Variants in FIGN observed in about 807,000 individuals in gnomAD.
The protein encoded by FIGN is fidgetin, microtubule severing factor.
In FIGN, 11 loss-of-function variants were observed where a neutral mutation model predicts 51.3. The observed-to-expected ratio is 0.21, with a 90% CI of 0.13 to 0.35. The LOEUF is 0.35. Among genes scored for constraint, FIGN ranks in the 10% least tolerant of loss-of-function variants. The pLI is 1.00. For synonymous variants in FIGN, 407 were observed against 363.2 expected, an observed-to-expected ratio of 1.12 and a Z score of -1.37; for missense variants, 857 against 943.6, an observed-to-expected ratio of 0.91 and a Z score of 1.20.
In FIGN at chr2:163,608,177, G is replaced by C. The variant is rs1365407243; in HGVS notation, c.*1375C>G. On this transcript the variant is annotated 3_prime_UTR_variant, in exon 3 of 3. Transcript: ENST00000333129. ...AATAAAGCAGGAGCACTACAGCCCA[G>C]ATTTCAAAATGAGAAGCAAAATTGC... 1 of 152,610 alleles carries C rather than the reference G, an allele frequency of 6.6e-6. No homozygotes were observed. Among genetic ancestry groups the C allele is most frequent in the Non-Finnish European group, 1.5e-5 (1 of 68,044 alleles). The allele number at this position is 152,610 out of a possible 1,614,324, so 9.5% of individuals were successfully genotyped here. A position where few individuals can be genotyped will look rare whatever the true frequency, so the allele number is the denominator to read the frequency against.
chr2:163,679,217 G>A (rs1684018988), intron 2 of FIGN, among the ~76,000 whole-genome samples: 1 of 151,950 alleles, frequency 6.6e-6, no homozygotes, highest in Non-Finnish European at 1.5e-5. Flanking sequence ...TTTGAGGCTG[G>A]GCGTGGCGAC....
chr2:163,694,100 T>C (rs1260979219), intron 2 of FIGN, among the ~76,000 whole-genome samples: 1 of 152,272 alleles, frequency 6.6e-6, no homozygotes, highest in East Asian at 1.9e-4. Context: ...TCTATCAATA[T>C]TCTGTAGGTC....
At chr2:163,619,787 T>C (rs1265348759) in intron 2 of FIGN, among the ~76,000 whole-genome samples, 2 of 152,160 alleles carry the variant, frequency 1.3e-5, no homozygotes, top group African/African-American at 4.8e-5. Context: ...ATCATGATCA[T>C]AATTCAAACA....
chr2:163,631,966 G>A (rs547524070), intron 2 of FIGN, among the ~76,000 whole-genome samples: 3 of 152,206 alleles, frequency 2.0e-5, no homozygotes, highest in South Asian at 2.1e-4. Context: ...TGATCAACAC[G>A]GTGAAACCGC....
intron 2 of FIGN, among the ~76,000 whole-genome samples, chr2:163,709,529 T>G (rs1295393401): frequency 1.3e-5 from 2 of 152,068 alleles, no homozygotes; most frequent in Non-Finnish European, 2.9e-5. Context: ...ACCAAAGGTT[T>G]GGAAATATCT....
In FIGN at chr2:163,617,350, G is replaced by A. The variant is rs191242401; in HGVS notation, c.26-5544C>T. ...ATTTAGTCAATAAAAGATGAACTAT[G>A]TACAAAGCATTGTGGTTCAATGCTA... On this transcript the variant is annotated intron_variant, in intron 2 of 2. Coordinates refer to ENST00000333129, the MANE Select transcript of FIGN (RefSeq NM_018086.4). The A allele has an allele frequency of 2.4e-5, 11 of 457,470 alleles. No homozygotes were observed. In the East Asian group the frequency reaches 1.1e-3, roughly 44 times the overall value. 28.3% of individuals were successfully genotyped at this position (457,470 alleles called of 1,614,324 possible).
chr2:163,689,818 C>T (rs1190581441), intron 2 of FIGN, among the ~76,000 whole-genome samples: 1 of 152,014 alleles, frequency 6.6e-6, no homozygotes, highest in Non-Finnish European at 1.5e-5. Flanking sequence ...AGCCCAAGGT[C>T]CCCATGGGAG....
In FIGN at chr2:163,611,757, G is replaced by A; in HGVS notation, c.75C>T (p.His25=). ...TPEHAQWPEQ[H]FDITSTTRSP... Reference sequence around the variant, plus strand: ...ACCGAGTGGTTGAGGTGATGTCAAAGTGCTGTTCTGGCCACTGGGCATGCT... The same window carrying A: ...ACCGAGTGGTTGAGGTGATGTCAAAATGCTGTTCTGGCCACTGGGCATGCT... Residue 25 remains histidine (H), a synonymous_variant, in exon 3 of 3, where the codon CAC becomes CAT. Transcript: ENST00000333129. 6.2e-7 allele frequency: 1 copy of A among 1,613,848 alleles called. No individual in the cohort carries two copies. Among genetic ancestry groups the A allele is most frequent in the Non-Finnish European group, 8.5e-7 (1 of 1,179,760 alleles).
intron 2 of FIGN, among the ~76,000 whole-genome samples, chr2:163,699,174 T>C (rs948041396): frequency 1.3e-5 from 2 of 152,174 alleles, no homozygotes; most frequent in African/African-American, 4.8e-5. Context: ...CTTTGTGAGC[T>C]TAAATTTCAC....
At position 163,603,218 on chromosome 2, in the gene FIGN, T is replaced by C. The variant is rs1391834682; in HGVS notation, c.*6334A>G. On this transcript the variant is annotated 3_prime_UTR_variant, in exon 3 of 3. Coordinates refer to ENST00000333129, the MANE Select transcript of FIGN (RefSeq NM_018086.4). Reference sequence around the variant, plus strand: ...TAATAACACATTTAGTTTCAGCAGATGTAAAATAATGCACACAAAAAAATG... The same window carrying C: ...TAATAACACATTTAGTTTCAGCAGACGTAAAATAATGCACACAAAAAAATG... 1 of 152,088 alleles carries C rather than the reference T, an allele frequency of 6.6e-6. No homozygotes were observed. Among genetic ancestry groups the C allele is most frequent in the Non-Finnish European group, 1.5e-5 (1 of 67,990 alleles). 9.4% of individuals were successfully genotyped at this position (152,088 alleles called of 1,614,324 possible).
intron 2 of FIGN, among the ~76,000 whole-genome samples, chr2:163,668,485 A>C (rs1179658243): frequency 1.3e-5 from 2 of 152,214 alleles, no homozygotes; most frequent in Non-Finnish European, 2.9e-5. Flanking sequence ...GTGAGTGGTG[A>C]GCTGGATAAA....
chr2:163,642,133 T>G (rs1218609192), intron 2 of FIGN, among the ~76,000 whole-genome samples: 1 of 152,224 alleles, frequency 6.6e-6, no homozygotes, highest in African/African-American at 2.4e-5. Context: ...CACTTGGGAA[T>G]GGCTGAGTCA....
intron 2 of FIGN, among the ~76,000 whole-genome samples, chr2:163,689,170 A>G (rs1384403377): frequency 4.7e-5 from 7 of 149,172 alleles, no homozygotes; most frequent in East Asian, 2.0e-4. Flanking sequence ...AAAAACAAAA[A>G]TGAACACACA....
chr2:163,648,493 G>T (rs948078763), intron 2 of FIGN, among the ~76,000 whole-genome samples: 1 of 152,118 alleles, frequency 6.6e-6, no homozygotes, highest in Non-Finnish European at 1.5e-5. Flanking sequence ...AAAACATGGG[G>T]TTCTTAACCT....
At chr2:163,729,686 A>G (rs1037775044) in intron 2 of FIGN, among the ~76,000 whole-genome samples, 3 of 152,212 alleles carry the variant, frequency 2.0e-5, no homozygotes, top group Non-Finnish European at 4.4e-5. Context: ...TCTACTTTCA[A>G]GATGTAACAG....
intron 2 of FIGN, among the ~76,000 whole-genome samples, chr2:163,623,311 T>G (rs965785334): frequency 3.9e-5 from 6 of 152,212 alleles, no homozygotes; most frequent in African/African-American, 1.4e-4. Flanking sequence ...ATTTGAGGTT[T>G]TCTTTGGCTA....
At chr2:163,613,130 C>T (rs927615884) in intron 2 of FIGN, among the ~76,000 whole-genome samples, 4 of 152,068 alleles carry the variant, frequency 2.6e-5, no homozygotes, top group East Asian at 1.9e-4. Context: ...AATGTACCCT[C>T]GAGGTCTCAC....
At chr2:163,733,168 A>C (rs1684958902) in intron 2 of FIGN, among the ~76,000 whole-genome samples, 1 of 152,236 alleles carries the variant, frequency 6.6e-6, no homozygotes, top group East Asian at 1.9e-4. Flanking sequence ...CATCATTTGC[A>C]CATCGGACAT....
intron 2 of FIGN, among the ~76,000 whole-genome samples, chr2:163,629,952 CTTTTTTTTTTTTTTTTTT>C (rs71297448): frequency 1.8e-3 from 102 of 56,936 alleles, no homozygotes; most frequent in African/African-American, 6.6e-3. Flanking sequence ...GAAAGGGGCA[CTTTTTTTTTTTTTTTTTT>C]TTTTTTTTTT....
Sources: allele counts gnomAD v4.1 joint callset (sites outside exome capture counted in the v4.1 genomes callset), GRCh38; gene constraint gnomAD v4.1.1; transcripts MANE v1.5; gene names NCBI Gene and HGNC (gene_info 2026-07-23, HGNC 2026-07-21).